Variants in GYPC observed in about 807,000 individuals in gnomAD.
GYPC encodes glycophorin C (Gerbich blood group), also known as glycophorin-C.
A neutral mutation model predicts 12.6 loss-of-function variants in GYPC; 14 were observed. The ratio of observed to expected loss-of-function variants is 1.11; its 90% CI spans 0.74 to 1.74. The LOEUF (loss-of-function observed/expected upper bound fraction) is 1.74, where lower values mean the gene tolerates loss of function less well. Ranked by LOEUF, GYPC falls within the 40% of genes most tolerant of loss-of-function variation. The pLI, the probability that GYPC is intolerant of heterozygous loss-of-function variation, is 0.00. For missense variants in GYPC, 225 were observed against 172.1 expected, an observed-to-expected ratio of 1.31 and a Z score of -1.72; for synonymous variants, 78 against 62.1, an observed-to-expected ratio of 1.26 and a Z score of -1.20.
rs1164211597 is a variant in GYPC, at chr2:126,656,218, C to T, written c.-46C>T. 3.8e-6 allele frequency: 6 copies of T among 1,571,796 alleles called. No individual in the cohort carries two copies. Among genetic ancestry groups the T allele is most frequent in the African/African-American group, 1.4e-5 (1 of 73,374 alleles). On this transcript the variant is annotated 5_prime_UTR_variant, in exon 1 of 4. Transcript: ENST00000259254. ...GACCCTCCCCCGGCCCGGCCTGGCC[C>T]GGCCTGGCCAGTCCCCGCGGTCTCT...
chr2:126,684,353 T>G (rs936546517), intron 1 of GYPC, among the ~76,000 whole-genome samples: 4 of 152,158 alleles, frequency 2.6e-5, no homozygotes, highest in Non-Finnish European at 5.9e-5. Context: ...GAAGCCCTCA[T>G]AGCATACATC....
chr2:126,670,747 A>G (rs1031387845), intron 1 of GYPC, among the ~76,000 whole-genome samples: 19 of 152,142 alleles, frequency 1.2e-4, no homozygotes, highest in African/African-American at 4.3e-4. Context: ...AGAAAGACTC[A>G]GAGACAGGGA....
chr2:126,664,941 C>T (rs1485535034), intron 1 of GYPC, among the ~76,000 whole-genome samples: 1 of 145,414 alleles, frequency 6.9e-6, no homozygotes, highest in Non-Finnish European at 1.5e-5. Flanking sequence ...TCATGCACTA[C>T]TTGCTGTCTT....
At chr2:126,678,078 C>T (rs28387159) in intron 1 of GYPC, among the ~76,000 whole-genome samples, 15,930 of 151,944 alleles carry the variant, frequency 0.1, 879 homozygotes, top group East Asian at 0.14. Context: ...GAAAATTAGC[C>T]GGCCCTGGTG....
At chr2:126,670,591 G>T (rs1238840371) in intron 1 of GYPC, among the ~76,000 whole-genome samples, 1 of 152,306 alleles carries the variant, frequency 6.6e-6, no homozygotes, top group South Asian at 2.1e-4. Context: ...TGGGTCACAG[G>T]CTTCGAGGGG....
intron 3 of GYPC, 29 bp from the exon 4 acceptor site, chr2:126,695,917 C>T (rs1558895247): frequency 1.2e-6 from 2 of 1,601,130 alleles, no homozygotes; most frequent in Non-Finnish European, 8.6e-7. Context: ...CTGCCTCAGA[C>T]TGACCCTTGC....
chr2:126,681,532 T>G (rs1683148715), intron 1 of GYPC, among the ~76,000 whole-genome samples: 1 of 152,010 alleles, frequency 6.6e-6, no homozygotes, highest in Admixed American at 6.5e-5. Flanking sequence ...GTGATACATA[T>G]GCCAAATAGT....
rs28387161 is a variant in GYPC, at chr2:126,679,306, C to T, written c.50-10949C>T. Among the ~76,000 whole-genome samples, 1,396 of 151,058 alleles carry T rather than the reference C, an allele frequency of 9.2e-3. 31 individuals carry two copies. The highest frequency in any genetic ancestry group is 0.032 in the African/African-American group (1,312 of 41,466). On this transcript the variant is annotated intron_variant, in intron 1 of 3. Coordinates refer to ENST00000259254, the MANE Select transcript of GYPC (RefSeq NM_002101.5). ...CAGCTTCACCTCTGTGTCTCCAGGA[C>T]TCTACAAAGGTCTGGTGCACACCAG...
intron 2 of GYPC, among the ~76,000 whole-genome samples, chr2:126,692,143 G>T (rs1336798960): frequency 6.6e-6 from 1 of 152,124 alleles, no homozygotes; most frequent in Non-Finnish European, 1.5e-5. Flanking sequence ...CCTTGCTTCA[G>T]GTCTTGCTAC....
At chr2:126,694,476 T>G (rs1291342895) in intron 3 of GYPC, among the ~76,000 whole-genome samples, 1 of 129,550 alleles carries the variant, frequency 7.7e-6, no homozygotes, top group Admixed American at 7.4e-5. Flanking sequence ...CTCTGCGACC[T>G]TCTTTGAGAT....
intron 1 of GYPC, among the ~76,000 whole-genome samples, chr2:126,661,691 A>T (rs1007463185): frequency 3.3e-5 from 5 of 151,970 alleles, no homozygotes; most frequent in Non-Finnish European, 5.9e-5. Flanking sequence ...ACCTCAGGTG[A>T]TCCACCCTCC....
At chr2:126,687,264 T>C (rs967050636) in intron 1 of GYPC, among the ~76,000 whole-genome samples, 9 of 152,232 alleles carry the variant, frequency 5.9e-5, no homozygotes, top group African/African-American at 2.2e-4. Flanking sequence ...CTAATCCTGA[T>C]GTCACCGCTT....
At chr2:126,658,664 T>A (rs1682439428) in intron 1 of GYPC, 1 of 152,246 alleles carries the variant, frequency 6.6e-6, no homozygotes, top group Non-Finnish European at 1.5e-5. Context: ...ACCTTCTCCC[T>A]ACCTCAATGG....
chr2:126,690,342 T>G lies in GYPC; in HGVS notation c.106+31T>G. 5 of 1,523,468 alleles carry G rather than the reference T, an allele frequency of 3.3e-6. No individual in the cohort carries two copies. In the South Asian group the frequency reaches 4.5e-5, roughly 14 times the overall value. The allele number at this position is 1,523,468 out of a possible 1,614,324, so 94.4% of individuals were successfully genotyped here. A position where few individuals can be genotyped will look rare whatever the true frequency, so the allele number is the denominator to read the frequency against. On this transcript the variant is annotated intron_variant, in intron 2 of 3. Transcript: ENST00000259254. ...TTCTCATCACAGAGCCTCACCATAATGGAAACTGCCGTGACTTCAGATGAG... is the reference window on the plus strand; with the variant it reads ...TTCTCATCACAGAGCCTCACCATAAGGGAAACTGCCGTGACTTCAGATGAG...
Position 126,693,395 on chromosome 2 carries a change from A to G in GYPC, c.107-469A>G, listed in dbSNP as rs28369999. 3.2e-3 allele frequency among the ~76,000 whole-genome samples: 492 copies of G among 152,300 alleles called. 3 individuals carry two copies. Among genetic ancestry groups the G allele is most frequent in the South Asian group, 0.017 (82 of 4,826 alleles). On this transcript the variant is annotated intron_variant, in intron 2 of 3. Transcript: ENST00000259254. ...GCCCAATTTGGACTTCCCAGCCACTAGAACTGTGAGCCAAATAAACCTCTC... is the reference window on the plus strand; with the variant it reads ...GCCCAATTTGGACTTCCCAGCCACTGGAACTGTGAGCCAAATAAACCTCTC...
At chr2:126,668,775 C>T (rs1041071691) in intron 1 of GYPC, among the ~76,000 whole-genome samples, 2 of 152,166 alleles carry the variant, frequency 1.3e-5, no homozygotes, top group East Asian at 1.9e-4. Context: ...TCTCCCCTGC[C>T]GTCAGTCCTC....
At chr2:126,686,475 C>T in intron 1 of GYPC, 1 of 985,536 alleles carries the variant, frequency 1.0e-6, no homozygotes, top group Non-Finnish European at 1.2e-6. Flanking sequence ...TGAAAAGCCA[C>T]TCCCAACTCC....
intron 1 of GYPC, among the ~76,000 whole-genome samples, chr2:126,688,314 A>G (rs1033923054): frequency 1.3e-5 from 2 of 152,200 alleles, no homozygotes; most frequent in African/African-American, 2.4e-5. Context: ...CTTAAGCAAG[A>G]TGTTATTCTT....
intron 1 of GYPC, among the ~76,000 whole-genome samples, chr2:126,672,290 C>T (rs1682874090): frequency 6.6e-6 from 1 of 152,104 alleles, no homozygotes; most frequent in Non-Finnish European, 1.5e-5. Context: ...AGAGGAAGGC[C>T]CGGGCAACCT....
Sources: gnomAD v4.1 joint callset for allele counts (sites outside exome capture counted in the v4.1 genomes callset) on GRCh38, gnomAD v4.1.1 for gene constraint, MANE v1.5 for transcripts, NCBI Gene and HGNC (gene_info 2026-07-23, HGNC 2026-07-21) for gene names.